Variants in FBXW7 observed in about 807,000 individuals in gnomAD.
FBXW7 encodes F-box and WD repeat domain containing 7.
FBXW7 carries 11 observed loss-of-function variants against 86.3 expected under a neutral mutation model. That is an observed-to-expected ratio of 0.13 (90% confidence interval 0.08 to 0.21). FBXW7 has a LOEUF of 0.21. FBXW7 is among the 10% of genes least tolerant of loss of function. FBXW7 has a pLI of 1.00. For synonymous variants in FBXW7, 313 were observed against 297.9 expected (o/e 1.05, Z -0.52); for missense variants, 488 against 847.4 (o/e 0.58, Z 5.27).
At chr4:152,362,003 A>G (rs1733005987) in intron 4 of FBXW7, among the ~76,000 whole-genome samples, 1 of 151,634 alleles carries the variant, frequency 6.6e-6, no homozygotes, top group South Asian at 2.1e-4. Flanking sequence ...ACAGAACAGA[A>G]AAAAGAAAAG....
intron 2 of FBXW7, among the ~76,000 whole-genome samples, chr4:152,473,637 CG>C (rs1309579723): frequency 6.6e-6 from 1 of 152,010 alleles, no homozygotes; most frequent in African/African-American, 2.4e-5. Context: ...TGCACCACCA[CG>C]CCTGCCTAAT....
intron 2 of FBXW7, among the ~76,000 whole-genome samples, chr4:152,499,295 A>G (rs938062008): frequency 6.6e-6 from 1 of 152,158 alleles, no homozygotes; most frequent in African/African-American, 2.4e-5. Context: ...CCCTGAATTC[A>G]TGTCTTACAC....
intron 7 of FBXW7, among the ~76,000 whole-genome samples, chr4:152,334,806 T>G (rs2126563810): frequency 6.6e-6 from 1 of 152,328 alleles, no homozygotes; most frequent in South Asian, 2.1e-4. Flanking sequence ...TTAAAAGTAG[T>G]GAAGATACTA....
chr4:152,525,495 C>A (rs1050393671), intron 2 of FBXW7, among the ~76,000 whole-genome samples: 3 of 152,146 alleles, frequency 2.0e-5, no homozygotes, highest in Non-Finnish European at 2.9e-5. Context: ...AGTGTCTATT[C>A]ATTTTGTTCA....
At chr4:152,424,173 C>T (rs534903806) in intron 2 of FBXW7, among the ~76,000 whole-genome samples, 1 of 152,166 alleles carries the variant, frequency 6.6e-6, no homozygotes, top group African/African-American at 2.4e-5. Context: ...GGCCAGGAAG[C>T]TGCTTATTTT....
At chr4:152,388,777 T>C (rs1735757870) in intron 4 of FBXW7, among the ~76,000 whole-genome samples, 1 of 152,168 alleles carries the variant, frequency 6.6e-6, no homozygotes, top group Admixed American at 6.5e-5. Context: ...ATCTGACTTC[T>C]CTTCAGATGA....
chr4:152,423,688 T>A (rs1739138782), intron 2 of FBXW7, among the ~76,000 whole-genome samples: 1 of 152,092 alleles, frequency 6.6e-6, no homozygotes, highest in Non-Finnish European at 1.5e-5. Flanking sequence ...ATAGACAAAT[T>A]TTACAGACAT....
intron 2 of FBXW7, among the ~76,000 whole-genome samples, chr4:152,482,424 C>T (rs1213071382): frequency 6.6e-6 from 1 of 152,158 alleles, no homozygotes; most frequent in Non-Finnish European, 1.5e-5. Flanking sequence ...CACAACATCT[C>T]CAAGATATGC....
intron 12 of FBXW7, chr4:152,325,213 T>C (rs1728912389): frequency 1.3e-5 from 2 of 152,198 alleles, no homozygotes; most frequent in South Asian, 4.1e-4. Flanking sequence ...TTTTATCATA[T>C]TGTCAATATT....
intron 4 of FBXW7, among the ~76,000 whole-genome samples, chr4:152,394,335 C>T (rs1301816308): frequency 6.6e-6 from 1 of 152,082 alleles, no homozygotes; most frequent in African/African-American, 2.4e-5. Flanking sequence ...CTTGCCTTTT[C>T]CTCTCTTCTG....
chr4:152,344,414 T>C (rs954743467), intron 6 of FBXW7, among the ~76,000 whole-genome samples: 5 of 152,194 alleles, frequency 3.3e-5, no homozygotes, highest in African/African-American at 1.2e-4. Flanking sequence ...TATAATACTA[T>C]ACCTGCAGGG....
intron 2 of FBXW7, among the ~76,000 whole-genome samples, chr4:152,516,582 A>G (rs1748516556): frequency 6.6e-6 from 1 of 152,232 alleles, no homozygotes; most frequent in South Asian, 2.1e-4. Context: ...TTGAGGAAAC[A>G]TGGTTTATAT....
intron 2 of FBXW7, among the ~76,000 whole-genome samples, chr4:152,431,485 A>G (rs1233246481): frequency 6.6e-6 from 1 of 152,194 alleles, no homozygotes; most frequent in Non-Finnish European, 1.5e-5. Flanking sequence ...TCCTGTTCTC[A>G]GGGAAAAAAA....
chr4:152,343,018 A>G (rs899704573), intron 6 of FBXW7, among the ~76,000 whole-genome samples: 6 of 152,328 alleles, frequency 3.9e-5, no homozygotes, highest in Non-Finnish European at 5.9e-5. Context: ...TGATTAGCAA[A>G]TAAGATGTAA....
chr4:152,382,190 C>A lies in FBXW7; in HGVS notation c.501+29113G>T, dbSNP rs200475902. ...ATTTTTCAAATGTGTGAGACTTACC[C>A]GTCTTCGACAAAAAGGGAGGCCTTG... On this transcript the variant is annotated intron_variant, in intron 4 of 13. Coordinates refer to ENST00000281708, the MANE Select transcript of FBXW7 (RefSeq NM_001349798.2). The A allele has an allele frequency of 5.2e-6, 8 of 1,546,230 alleles. No individual in the cohort carries two copies. The East Asian group carries it at 1.2e-4, about 23-fold the overall frequency.
intron 2 of FBXW7, among the ~76,000 whole-genome samples, chr4:152,434,062 G>A (rs1740156262): frequency 6.6e-6 from 1 of 152,084 alleles, no homozygotes; most frequent in Non-Finnish European, 1.5e-5. Context: ...ATGGGATATA[G>A]AAACCCAAGT....
intron 2 of FBXW7, among the ~76,000 whole-genome samples, chr4:152,497,576 T>C (rs1746487134): frequency 6.6e-6 from 1 of 151,884 alleles, no homozygotes. Flanking sequence ...GTAATGAAAA[T>C]GAAAATCATC....
chr4:152,327,214 C>T (rs1432988074), intron 11 of FBXW7, among the ~76,000 whole-genome samples: 1 of 152,008 alleles, frequency 6.6e-6, no homozygotes, highest in African/African-American at 2.4e-5. Flanking sequence ...AATACAAGGT[C>T]TCTTGATACT....
rs1441610869 is a variant in FBXW7 at position 152,535,531 on chromosome 4, G to A, written c.-617C>T. On this transcript the variant is annotated 5_prime_UTR_variant, in exon 1 of 14. Transcript: ENST00000281708. ...GTTGCCGAGCTTGGTTGGGGCCCCG[G>A]TTCATACACTCCGGGGCAAGATGCT... 4 of 395,942 alleles carry A rather than the reference G, an allele frequency of 1.0e-5. No homozygotes were observed. Among genetic ancestry groups the A allele is most frequent in the Non-Finnish European group, 1.8e-5 (4 of 224,382 alleles). 24.5% of individuals were successfully genotyped at this position (395,942 alleles called of 1,614,324 possible). A position where few individuals can be genotyped will look rare whatever the true frequency, so the allele number is the denominator to read the frequency against.
Sources: gnomAD v4.1 joint callset for allele counts (sites outside exome capture counted in the v4.1 genomes callset) on GRCh38, gnomAD v4.1.1 for gene constraint, MANE v1.5 for transcripts, NCBI Gene and HGNC (gene_info 2026-07-23, HGNC 2026-07-21) for gene names.